CAMTA1: variants seen among roughly 807,000 people sequenced by gnomAD.
CAMTA1 encodes calmodulin binding transcription activator 1.
A neutral mutation model predicts 170.9 loss-of-function variants in CAMTA1; 27 were observed. The ratio of observed to expected loss-of-function variants is 0.16; its 90% confidence interval spans 0.12 to 0.22. CAMTA1 has a LOEUF of 0.22. Among genes scored for constraint, CAMTA1 ranks in the 10% least tolerant of loss-of-function variants. The pLI is 1.00. For missense variants in CAMTA1, 1,619 were observed against 2,217.2 expected, an observed-to-expected ratio of 0.73 and a Z score of 5.42; for synonymous variants, 833 against 891.5, an observed-to-expected ratio of 0.93 and a Z score of 1.17.
chr1:7,745,034 T>TAC lies in CAMTA1; in HGVS notation c.4370+13_4370+14dup. 6.2e-7 allele frequency: 1 copy of TAC among 1,604,988 alleles called. No individual in the cohort carries two copies. The highest frequency in any genetic ancestry group is 8.5e-7 in the Non-Finnish European group (1 of 1,175,666). On this transcript the variant is annotated intron_variant, in intron 17 of 22. Coordinates refer to ENST00000303635, the MANE Select transcript of CAMTA1 (RefSeq NM_015215.4). The stretch of plus-strand genomic sequence containing the variant: ...GCTGCCCAGATCCGGTGAGTAAAGT[T>TAC]ACGGAGGTCACTACCCAGCATAGAT...
chr1:7,415,069 T>C (rs1172130078), intron 5 of CAMTA1, among the ~76,000 whole-genome samples: 6 of 152,016 alleles, frequency 3.9e-5, no homozygotes, highest in Non-Finnish European at 8.8e-5. Flanking sequence ...TTGAGCAGTT[T>C]TGAGTGAGTT....
At chr1:7,598,979 A>C (rs993579108) in intron 6 of CAMTA1, among the ~76,000 whole-genome samples, 1 of 152,112 alleles carries the variant, frequency 6.6e-6, no homozygotes, top group Non-Finnish European at 1.5e-5. Context: ...TTTTGTTGCC[A>C]TTGCTTTTGG....
At chr1:7,728,450 T>C (rs2096707766) in intron 11 of CAMTA1, among the ~76,000 whole-genome samples, 1 of 152,232 alleles carries the variant, frequency 6.6e-6, no homozygotes, top group African/African-American at 2.4e-5. Context: ...ATGTTGATCT[T>C]GGCCACTCAG....
intron 5 of CAMTA1, among the ~76,000 whole-genome samples, chr1:7,458,590 G>C (rs1032671549): frequency 6.6e-6 from 1 of 152,226 alleles, no homozygotes; most frequent in Non-Finnish European, 1.5e-5. Context: ...AGTCCCCCAA[G>C]AAAGTGCAGT....
At chr1:7,489,011 G>T (rs1373999793) in intron 6 of CAMTA1, among the ~76,000 whole-genome samples, 2 of 152,196 alleles carry the variant, frequency 1.3e-5, no homozygotes, top group Non-Finnish European at 2.9e-5. Flanking sequence ...CGCCACATGG[G>T]CTCTGACATT....
At chr1:7,727,423 C>T (rs998200155) in intron 11 of CAMTA1, among the ~76,000 whole-genome samples, 4 of 152,142 alleles carry the variant, frequency 2.6e-5, no homozygotes, top group African/African-American at 9.7e-5. Context: ...CGCCCAGCCT[C>T]TGCTTTGTAT....
chr1:6,924,555 T>A (rs1480025049), intron 3 of CAMTA1, among the ~76,000 whole-genome samples: 1 of 152,206 alleles, frequency 6.6e-6, no homozygotes, highest in African/African-American at 2.4e-5. Flanking sequence ...GTGTCGACTC[T>A]GCCTTTCTGA....
chr1:6,997,092 C>T (rs1426997333), intron 3 of CAMTA1, among the ~76,000 whole-genome samples: 4 of 152,088 alleles, frequency 2.6e-5, no homozygotes, highest in Admixed American at 6.5e-5. Flanking sequence ...GTTCCTAGGA[C>T]GATGATTCTT....
At chr1:7,203,855 G>A (rs6681110) in intron 4 of CAMTA1, among the ~76,000 whole-genome samples, 70,218 of 145,440 alleles carry the variant, frequency 0.48, 18,485 homozygotes, top group Non-Finnish European at 0.59. Flanking sequence ...TTTTCGAGAC[G>A]GAGTCTCACT....
chr1:7,137,915 G>C (rs1330882424), intron 4 of CAMTA1, among the ~76,000 whole-genome samples: 1 of 152,210 alleles, frequency 6.6e-6, no homozygotes, highest in South Asian at 2.1e-4. Context: ...GTGGATGCTG[G>C]TTCACTGCCA....
rs947258077 is a variant in CAMTA1, at chr1:7,664,975, G to T, written c.2428G>T (p.Ala810Ser). Residue 810 changes from alanine (A) to serine (S), a missense_variant, in exon 9 of 23, where the codon GCG (alanine) becomes TCG (serine). Physicochemically the swap from Ala to Ser is moderately conservative, Grantham distance 99 (BLOSUM62 1). Coordinates refer to ENST00000303635, the MANE Select transcript of CAMTA1 (RefSeq NM_015215.4). ...GGCGCTCTCACAGTCAGAGGACGGG[G>T]CGCGGGCCCCCTTCACCCAGGCAGA... ...STALSQSEDG[A>S]RAPFTQAEMC... is the part of the protein sequence containing the mutation. 3.6e-5 allele frequency: 58 copies of T among 1,611,040 alleles called. No homozygotes were observed. Among genetic ancestry groups the T allele is most frequent in the Non-Finnish European group, 4.3e-5 (51 of 1,178,906 alleles).
At chr1:7,563,435 C>A (rs1219174591) in intron 6 of CAMTA1, among the ~76,000 whole-genome samples, 1 of 152,156 alleles carries the variant, frequency 6.6e-6, no homozygotes, top group African/African-American at 2.4e-5. Flanking sequence ...CTCGGTGGGA[C>A]CTGCTAGCAG....
At chr1:6,811,111 C>G (rs184362388) in intron 1 of CAMTA1, among the ~76,000 whole-genome samples, 56 of 152,284 alleles carry the variant, frequency 3.7e-4, no homozygotes, top group African/African-American at 1.3e-3. Context: ...GTTACAGTTG[C>G]CACCGATAAA....
chr1:7,139,564 T>C lies in CAMTA1; in HGVS notation c.302+48193T>C, dbSNP rs549909700. Among the ~76,000 whole-genome samples, 3 of 152,120 alleles carry C rather than the reference T, an allele frequency of 2.0e-5. No individual in the cohort carries two copies. In the East Asian group the frequency reaches 5.8e-4, roughly 29 times the overall value. ...TGGATTCTCAGAGCCTCTGTGACATTGCCCACTTCACACCCTTCACAGAAC... is the reference window on the plus strand; with the variant it reads ...TGGATTCTCAGAGCCTCTGTGACATCGCCCACTTCACACCCTTCACAGAAC... On this transcript the variant is annotated intron_variant, in intron 4 of 22. Coordinates refer to ENST00000303635, the MANE Select transcript of CAMTA1 (RefSeq NM_015215.4).
chr1:7,447,312 G>A (rs74053282), intron 5 of CAMTA1, among the ~76,000 whole-genome samples: 2,264 of 152,082 alleles, frequency 0.015, 61 homozygotes, highest in African/African-American at 0.051. Flanking sequence ...TAAACACGTG[G>A]CACGCATGGA....
intron 3 of CAMTA1, among the ~76,000 whole-genome samples, chr1:6,926,486 T>TTCTTTCTTTCTC (rs1553188109): frequency 1.3e-4 from 17 of 134,840 alleles, no homozygotes; most frequent in South Asian, 2.4e-4. Flanking sequence ...CTTTCTTTCT[T>TTCTTTCTTTCTC]TCTCTCTCTC....
intron 4 of CAMTA1, among the ~76,000 whole-genome samples, chr1:7,125,089 G>T (rs1413394937): frequency 2.6e-5 from 4 of 152,076 alleles, no homozygotes; most frequent in African/African-American, 9.7e-5. Context: ...CCCATCTGTT[G>T]TCCCTGCTCC....
chr1:7,099,388 A>G (rs1321254909), intron 4 of CAMTA1, among the ~76,000 whole-genome samples: 1 of 152,168 alleles, frequency 6.6e-6, no homozygotes, highest in Non-Finnish European at 1.5e-5. Flanking sequence ...ATACGTGTAC[A>G]TAGTTTAGTA....
At chr1:7,283,932 G>A (rs1047149385) in intron 5 of CAMTA1, among the ~76,000 whole-genome samples, 97 of 152,224 alleles carry the variant, frequency 6.4e-4, no homozygotes, top group African/African-American at 2.6e-4. Context: ...GGTGAGATTT[G>A]TGGCTCTCTG....
Sources: allele counts gnomAD v4.1 joint callset (sites outside exome capture counted in the v4.1 genomes callset), GRCh38; gene constraint gnomAD v4.1.1; transcripts MANE v1.5; gene names NCBI Gene and HGNC (gene_info 2026-07-23, HGNC 2026-07-21).